The following SAMD12 variants were observed in gnomAD, a reference collection of about 807,000 sequenced individuals.
The protein encoded by SAMD12 is sterile alpha motif domain containing 12, also known as sterile alpha motif domain-containing protein 12.
A neutral mutation model predicts 15.0 loss-of-function variants in SAMD12; 9 were observed. That is an observed-to-expected ratio of 0.60 (90% confidence interval 0.36 to 1.05). The LOEUF is 1.05. SAMD12 is among the 50% of genes least tolerant of loss of function. The pLI is 0.01. For synonymous variants in SAMD12, 86 were observed against 90.1 expected (o/e 0.96, Z 0.25); for missense variants, 230 against 234.2 (o/e 0.98, Z 0.12).
At chr8:118,334,427 T>G (rs959289476) in intron 4 of SAMD12, among the ~76,000 whole-genome samples, 22 of 152,182 alleles carry the variant, frequency 1.4e-4, no homozygotes, top group African/African-American at 4.8e-5. Context: ...ATCTAAGATA[T>G]GTAGGAGATT....
intron 1 of SAMD12, among the ~76,000 whole-genome samples, chr8:118,590,988 TAAAC>T (rs1261373296): frequency 2.0e-5 from 3 of 152,170 alleles, no homozygotes; most frequent in African/African-American, 7.2e-5. Context: ...AAATACATAA[TAAAC>T]AAAATAAAAA....
At chr8:118,483,107 G>A (rs1188481789) in intron 2 of SAMD12, among the ~76,000 whole-genome samples, 1 of 152,116 alleles carries the variant, frequency 6.6e-6, no homozygotes, top group Non-Finnish European at 1.5e-5. Context: ...TGAGCCTCAT[G>A]AATAAATTAT....
chr8:118,377,471 AATACCCAAG>A (rs2130703541), downstream of SAMD12, among the ~76,000 whole-genome samples: 1 of 152,098 alleles, frequency 6.6e-6, no homozygotes, highest in East Asian at 1.9e-4. Flanking sequence ...GCACAGACAA[AATACCCAAG>A]AGCTAGAGAA....
intron 4 of SAMD12, among the ~76,000 whole-genome samples, chr8:118,262,880 G>C (rs975103960): frequency 6.6e-6 from 1 of 152,042 alleles, no homozygotes; most frequent in Non-Finnish European, 1.5e-5. Context: ...TCTATACTGG[G>C]GGAGGCACTC....
chr8:118,303,316 C>T (rs1159494204), intron 4 of SAMD12, among the ~76,000 whole-genome samples: 1 of 152,262 alleles, frequency 6.6e-6, no homozygotes, highest in African/African-American at 2.4e-5. Context: ...CTTATGCATC[C>T]TGCCAAAGTC....
At chr8:118,583,274 T>C (rs1827342564) in intron 1 of SAMD12, among the ~76,000 whole-genome samples, 1 of 152,188 alleles carries the variant, frequency 6.6e-6, no homozygotes, top group Non-Finnish European at 1.5e-5. Flanking sequence ...GAGAACTTAG[T>C]AGCCAAAGCC....
At chr8:118,178,095 G>C in the SAMD12 span, among the ~76,000 whole-genome samples, 1 of 152,320 alleles carries the variant, frequency 6.6e-6, no homozygotes, top group Admixed American at 6.5e-5. Flanking sequence ...AATTCCATGA[G>C]TACAGTATTT....
At chr8:118,427,067 T>C (rs1294676467) in intron 3 of SAMD12, among the ~76,000 whole-genome samples, 1 of 152,222 alleles carries the variant, frequency 6.6e-6, no homozygotes, top group African/African-American at 2.4e-5. Flanking sequence ...GGCAACACCG[T>C]GCCTTTCTTT....
At chr8:118,614,802 C>G (rs796959338) in intron 1 of SAMD12, among the ~76,000 whole-genome samples, 2 of 152,290 alleles carry the variant, frequency 1.3e-5, no homozygotes, top group African/African-American at 4.8e-5. Flanking sequence ...GGGAGGCAAG[C>G]TGTACAAGCA....
intron 4 of SAMD12, among the ~76,000 whole-genome samples, chr8:118,332,094 C>CA (rs938878202): frequency 1.3e-5 from 2 of 150,476 alleles, no homozygotes; most frequent in African/African-American, 2.4e-5. Flanking sequence ...GCTCCCCCTT[C>CA]AAAAAAAAGG....
At chr8:118,447,060 G>A (rs1822936159) in intron 2 of SAMD12, among the ~76,000 whole-genome samples, 1 of 152,022 alleles carries the variant, frequency 6.6e-6, no homozygotes, top group Non-Finnish European at 1.5e-5. Flanking sequence ...TTCCCGCTGT[G>A]GAGGCCCTGC....
At chr8:118,274,416 T>C (rs949736755) in intron 4 of SAMD12, among the ~76,000 whole-genome samples, 9 of 152,212 alleles carry the variant, frequency 5.9e-5, no homozygotes, top group Middle Eastern at 3.2e-3. Context: ...TCCACATTCA[T>C]AATGATGTTT....
chr8:118,351,884 A>G (rs903035114), intron 4 of SAMD12, among the ~76,000 whole-genome samples: 1 of 152,204 alleles, frequency 6.6e-6, no homozygotes, highest in East Asian at 1.9e-4. Context: ...TCCAGTTCAC[A>G]GTTCTCATTC....
intron 4 of SAMD12, among the ~76,000 whole-genome samples, chr8:118,307,072 G>A (rs1212521622): frequency 6.6e-6 from 1 of 152,140 alleles, no homozygotes; most frequent in African/African-American, 2.4e-5. Context: ...ATTGTTCCTT[G>A]GGTATTAATA....
chr8:118,502,958 A>G (rs1404020298), intron 2 of SAMD12, among the ~76,000 whole-genome samples: 1 of 152,184 alleles, frequency 6.6e-6, no homozygotes. Flanking sequence ...CCAAAACAAT[A>G]CATTTGCCAG....
chr8:118,356,451 TGAG>T (rs922947797), intron 4 of SAMD12, among the ~76,000 whole-genome samples: 1 of 152,142 alleles, frequency 6.6e-6, no homozygotes, highest in Non-Finnish European at 1.5e-5. Context: ...CAAACCTTCA[TGAG>T]AAGAGACCCA....
chr8:118,449,686 C>A (rs538171787), intron 2 of SAMD12, among the ~76,000 whole-genome samples: 1 of 151,028 alleles, frequency 6.6e-6, no homozygotes, highest in East Asian at 2.0e-4. Context: ...GTAGTCCCAG[C>A]CTGCCTCGGG....
chr8:118,409,147 G>A (rs1433089669), intron 3 of SAMD12, among the ~76,000 whole-genome samples: 2 of 152,090 alleles, frequency 1.3e-5, no homozygotes, highest in African/African-American at 2.4e-5. Flanking sequence ...GGAAGGGTGT[G>A]GAGGGGAGGA....
chr8:118,556,771 T>A (rs576597932), intron 2 of SAMD12, among the ~76,000 whole-genome samples: 1 of 152,120 alleles, frequency 6.6e-6, no homozygotes, highest in South Asian at 2.1e-4. Flanking sequence ...GAGACCAGCC[T>A]GGCCAGCATG....
Sources: allele counts gnomAD v4.1 joint callset (sites outside exome capture counted in the v4.1 genomes callset), GRCh38; gene constraint gnomAD v4.1.1; transcripts MANE v1.5; gene names NCBI Gene and HGNC (gene_info 2026-07-23, HGNC 2026-07-21).